Variants in CHMP1A observed in about 807,000 individuals in gnomAD.
The protein encoded by CHMP1A is charged multivesicular body protein 1A, also known as VPS46 homolog A.
A neutral mutation model predicts 27.0 loss-of-function variants in CHMP1A; 17 were observed. The ratio of observed to expected loss-of-function variants is 0.63; its 90% CI spans 0.43 to 0.95. CHMP1A has a LOEUF of 0.95. Ranked by LOEUF, CHMP1A falls within the 40% of genes least tolerant of loss-of-function variation. The probability of loss-of-function intolerance (pLI) is 0.00; values close to 1 mark genes in which losing one functional copy is unlikely to be tolerated. For missense variants in CHMP1A, 275 were observed against 264.0 expected (o/e 1.04, Z -0.29); for synonymous variants, 131 against 107.5 (o/e 1.22, Z -1.35).
chr16:89,649,536 G>T (rs1409723015), intron 3 of CHMP1A, 39 bp from the exon 4 acceptor site: 1 of 1,611,708 alleles, frequency 6.2e-7, no homozygotes, highest in Non-Finnish European at 8.5e-7. Flanking sequence ...AGAGCTTGGT[G>T]GTGTGTGTGC....
chr16:89,651,698 G>A, intron 2 of CHMP1A, 52 bp from the exon 3 acceptor site: 1 of 1,580,772 alleles, frequency 6.3e-7, no homozygotes. Context: ...CCATCCCCCA[G>A]GCCCGGCTCT....
chr16:89,653,403 G>A (rs573482686), intron 2 of CHMP1A, among the ~76,000 whole-genome samples: 4 of 149,998 alleles, frequency 2.7e-5, no homozygotes, highest in East Asian at 2.0e-4. Flanking sequence ...GGCGGATCAC[G>A]AGGTGAAGAG....
At chr16:89,647,732 G>A (rs76440475) in intron 4 of CHMP1A, among the ~76,000 whole-genome samples, 54 of 1,694 alleles carry the variant, frequency 0.032, 5 homozygotes, top group South Asian at 0.071. Flanking sequence ...GCCGACGTGG[G>A]GACCCAGCGC....
At chr16:89,655,620 CCA>C (rs888478774) in intron 1 of CHMP1A, among the ~76,000 whole-genome samples, 3 of 147,708 alleles carry the variant, frequency 2.0e-5, no homozygotes, top group African/African-American at 7.3e-5. Context: ...GAGTGAAAAG[CCA>C]CAATTTTTCT....
At chr16:89,657,130 G>T (rs2059884789) in intron 1 of CHMP1A, among the ~76,000 whole-genome samples, 1 of 141,136 alleles carries the variant, frequency 7.1e-6, no homozygotes, top group Non-Finnish European at 1.6e-5. Flanking sequence ...CGGGTTGGGG[G>T]TCGGGGGCCT....
chr16:89,645,828 A>T lies in CHMP1A; in HGVS notation c.*238T>A. 2 of 1,352,528 alleles carry T rather than the reference A, an allele frequency of 1.5e-6. No individual in the cohort carries two copies. Among genetic ancestry groups the T allele is most frequent in the Non-Finnish European group, 2.0e-6 (2 of 1,000,092 alleles). The allele number at this position is 1,352,528 out of a possible 1,614,324, so 83.8% of individuals were successfully genotyped here. On this transcript the variant is annotated 3_prime_UTR_variant, in exon 7 of 7. Coordinates refer to ENST00000397901, the MANE Select transcript of CHMP1A (RefSeq NM_002768.5). ...CTTGGCCTCCCCGCTGTGGGCCCAG[A>T]GTCACAGAAATCACCCCCAGAAATT... is the stretch of plus-strand genomic sequence containing the variant.
At position 89,651,635 on chromosome 16, in the gene CHMP1A, C is replaced by A; in HGVS notation, c.39G>T (p.Lys13Asn). ...DTLFQLKFTA[K>N]QLEKLAKKAE... ...CCTTCTTGGCCAGCTTCTCCAGCTGCTTCGCCGTGAACTGAGCGGAAGCCG... is the reference window on the plus strand; with the variant it reads ...CCTTCTTGGCCAGCTTCTCCAGCTGATTCGCCGTGAACTGAGCGGAAGCCG... The change falls in exon 3 of 7, where the codon AAG becomes AAT. Residue 13 changes from lysine to asparagine, a missense_variant. Coordinates refer to ENST00000397901, the MANE Select transcript of CHMP1A (RefSeq NM_002768.5). 6.2e-7 allele frequency: 1 copy of A among 1,613,648 alleles called. No homozygotes were observed. Among genetic ancestry groups the A allele is most frequent in the Non-Finnish European group, 8.5e-7 (1 of 1,179,834 alleles).
intron 1 of CHMP1A, among the ~76,000 whole-genome samples, chr16:89,654,942 C>CA (rs11322145): frequency 1.4e-5 from 2 of 147,530 alleles, no homozygotes; most frequent in African/African-American, 5.0e-5. Flanking sequence ...GACTCCGTCT[C>CA]AAAAAAAAAA....
chr16:89,649,546 C>T (rs747022910), intron 3 of CHMP1A, 49 bp from the exon 4 acceptor site: 6 of 1,605,670 alleles, frequency 3.7e-6, no homozygotes, highest in Non-Finnish European at 5.1e-6. Context: ...GGTGTGTGTG[C>T]CCCCTGCTAG....
chr16:89,644,714 C>A lies in CHMP1A; in HGVS notation c.*1352G>T, dbSNP rs963056808. The A allele has an allele frequency of 3.9e-5, 6 of 152,354 alleles. No individual in the cohort carries two copies. Among genetic ancestry groups the A allele is most frequent in the African/African-American group, 1.4e-4 (6 of 41,466 alleles). 9.4% of individuals were successfully genotyped at this position (152,354 alleles called of 1,614,324 possible). A position where few individuals can be genotyped will look rare whatever the true frequency, so the allele number is the denominator to read the frequency against. ...CAAGTTCTGAAAAGAAAACCAAACG[C>A]AGTGAGCCCACGTCAGGGTCTCCAC... On this transcript the variant is annotated 3_prime_UTR_variant, in exon 7 of 7. Coordinates refer to ENST00000397901, the MANE Select transcript of CHMP1A (RefSeq NM_002768.5).
At chr16:89,647,602 G>A (rs535379894) in intron 4 of CHMP1A, among the ~76,000 whole-genome samples, 132 of 136,470 alleles carry the variant, frequency 9.7e-4, no homozygotes, top group African/African-American at 3.5e-3. Flanking sequence ...GGCCGCCGAC[G>A]TGGAGACCCA....
chr16:89,655,576 G>A lies in CHMP1A; in HGVS notation c.8-1653C>T, dbSNP rs551755870. 3.3e-5 allele frequency among the ~76,000 whole-genome samples: 5 copies of A among 152,192 alleles called. No individual in the cohort carries two copies. The East Asian group carries it at 7.7e-4, about 23-fold the overall frequency. ...CTGAGGAAATCTGACATGGGCTTGAGAGAAGTCCCCTCAAAAGAGTTGAGT... is the reference window on the plus strand; with the variant it reads ...CTGAGGAAATCTGACATGGGCTTGAAAGAAGTCCCCTCAAAAGAGTTGAGT... On this transcript the variant is annotated intron_variant, in intron 1 of 6. Transcript: ENST00000397901.
chr16:89,646,500 A>G (rs1346585433), intron 6 of CHMP1A, 27 bp downstream of exon 6: 7 of 1,542,762 alleles, frequency 4.5e-6, no homozygotes, highest in Non-Finnish European at 6.1e-6. Flanking sequence ...GGGGTTGGTG[A>G]CACAGCGTTT....
At chr16:89,651,046 C>T (rs1309650614) in intron 3 of CHMP1A, among the ~76,000 whole-genome samples, 3 of 152,010 alleles carry the variant, frequency 2.0e-5, no homozygotes, top group East Asian at 1.9e-4. Context: ...GCCTGTTTGT[C>T]TTATGTGGGA....
intron 1 of CHMP1A, 83 bp from the exon 2 acceptor site, chr16:89,654,006 T>G: frequency 7.1e-7 from 1 of 1,400,562 alleles, no homozygotes; most frequent in Non-Finnish European, 1.0e-6. Flanking sequence ...CTAGGTTCCT[T>G]CTAGACACCA....
chr16:89,654,048 C>T (rs939284020), intron 1 of CHMP1A, 125 bp from the exon 2 acceptor site: 1 of 1,034,280 alleles, frequency 9.7e-7, no homozygotes, highest in Middle Eastern at 2.1e-4. Context: ...ACCACACCTG[C>T]CTGGGGCCTT....
At chr16:89,655,060 C>A (rs1040191190) in intron 1 of CHMP1A, among the ~76,000 whole-genome samples, 4 of 152,136 alleles carry the variant, frequency 2.6e-5, no homozygotes, top group Non-Finnish European at 2.9e-5. Context: ...ACCACACTAG[C>A]CACAACGAGG....
chr16:89,649,351 C>T lies in CHMP1A; in HGVS notation c.252G>A (p.Gly84=). ...TCCAGCACCAGGGCCCAGCACTCAC[C>T]CCCTTCATAGTCACAGCTGTCTGCA... ...SKVQTAVTMK[G]VTKNMAQVTK... The change falls in exon 4 of 7, where the codon GGG becomes GGA. Residue 84 remains glycine, a splice_region_variant and synonymous_variant. Coordinates refer to ENST00000397901, the MANE Select transcript of CHMP1A (RefSeq NM_002768.5). The T allele has an allele frequency of 6.2e-7, 1 of 1,611,528 alleles. No individual in the cohort carries two copies. Among genetic ancestry groups the T allele is most frequent in the Non-Finnish European group, 8.5e-7 (1 of 1,178,034 alleles).
At position 89,647,256 on chromosome 16, in the gene CHMP1A, A is replaced by G. The variant is rs2059782327; in HGVS notation, c.328T>C (p.Ser110Pro). Residue 110 changes from serine (S) to proline (P), a missense_variant, in exon 5 of 7, where the codon TCA becomes CCA. By Grantham distance (74) the Ser-to-Pro change is moderately conservative (BLOSUM62 -1). Coordinates refer to ENST00000397901, the MANE Select transcript of CHMP1A (RefSeq NM_002768.5). ...LSTMDLQKVS[S>P]VMDRFEQQVQ... ...TGCTGCTCGAACCTGTCCATCACTG[A>G]GGAGACCTTCTGCAGGTCCATGGTG... The G allele has an allele frequency of 1.2e-6, 2 of 1,610,866 alleles. No homozygotes were observed. Among genetic ancestry groups the G allele is most frequent in the East Asian group, 2.2e-5 (1 of 44,804 alleles).
Sources: gnomAD v4.1 joint callset for allele counts (sites outside exome capture counted in the v4.1 genomes callset) on GRCh38, gnomAD v4.1.1 for gene constraint, MANE v1.5 for transcripts, NCBI Gene and HGNC (gene_info 2026-07-23, HGNC 2026-07-21) for gene names.